The following MAP3K15 variants were observed in gnomAD, a reference collection of about 807,000 sequenced individuals.
MAP3K15 encodes the protein MAPK/ERK kinase kinase 15.
Under a neutral mutation model 99.5 loss-of-function variants are expected in MAP3K15, and 124 were observed. That is an observed-to-expected ratio of 1.25 (90% CI 1.08 to 1.45). MAP3K15 has a LOEUF of 1.45. Ranked by LOEUF, MAP3K15 falls within the 40% of genes most tolerant of loss-of-function variation. The probability of loss-of-function intolerance (pLI) is 0.00; values close to 1 mark genes in which losing one functional copy is unlikely to be tolerated. For synonymous variants in MAP3K15, 494 were observed against 439.6 expected (o/e 1.12, Z -1.55); for missense variants, 1,242 against 1,079.7 (o/e 1.15, Z -2.11).
chrX:19,468,120 C>A lies in MAP3K15; in HGVS notation c.526-3714G>T, dbSNP rs147440898. Among the ~76,000 whole-genome samples the A allele has an allele frequency of 3.8e-3, 426 of 111,919 alleles. 3 individuals carry two copies. Among genetic ancestry groups the A allele is most frequent in the African/African-American group, 0.013 (409 of 30,850 alleles). Reference sequence around the variant, plus strand: ...TCTTCACAAGGAGAGTGACTTCATGCAGAATGTGCCATGGGGAAGTTTAAG... The same window carrying A: ...TCTTCACAAGGAGAGTGACTTCATGAAGAATGTGCCATGGGGAAGTTTAAG... On this transcript the variant is annotated intron_variant, in intron 3 of 28. Coordinates refer to ENST00000338883, the MANE Select transcript of MAP3K15 (RefSeq NM_001001671.4).
chrX:19,368,496 T>A (rs2147209061), intron 25 of MAP3K15, among the ~76,000 whole-genome samples: 1 of 113,095 alleles, frequency 8.8e-6, no homozygotes, highest in African/African-American at 3.2e-5. Context: ...AACAGACCAG[T>A]GCATTGGAGG....
Position 19,413,477 on chromosome X carries a change from C to G in MAP3K15, c.1591-13G>C, listed in dbSNP as rs763479336. The G allele has an allele frequency of 1.7e-6, 2 of 1,147,460 alleles. No homozygotes were observed. Among genetic ancestry groups the G allele is most frequent in the Admixed American group, 2.3e-5 (1 of 44,429 alleles). 94.6% of individuals were successfully genotyped at this position (1,147,460 alleles called of 1,213,427 possible). A position where few individuals can be genotyped will look rare whatever the true frequency, so the allele number is the denominator to read the frequency against. ...CTATGACCAGAACCTGAAACAAGAA[C>G]AGATGCCTGTTAACGTACATGGGTA... On this transcript the variant is annotated splice_polypyrimidine_tract_variant and intron_variant, in intron 10 of 28. Transcript: ENST00000338883.
At chrX:19,421,936 T>C (rs1188323042) in intron 9 of MAP3K15, among the ~76,000 whole-genome samples, 1 of 109,176 alleles carries the variant, frequency 9.2e-6, no homozygotes, top group African/African-American at 3.4e-5. Flanking sequence ...GGGAAAGGAG[T>C]CCCTATTTAA....
intron 25 of MAP3K15, among the ~76,000 whole-genome samples, chrX:19,368,208 T>C (rs893450989): frequency 5.4e-5 from 6 of 111,829 alleles, no homozygotes; most frequent in Non-Finnish European, 7.5e-5. Context: ...AATGGCACGA[T>C]CTCAGCTCAC....
intron 5 of MAP3K15, among the ~76,000 whole-genome samples, chrX:19,458,416 C>T (rs932906410): frequency 8.9e-6 from 1 of 112,374 alleles, no homozygotes; most frequent in Non-Finnish European, 1.9e-5. Flanking sequence ...CGGTGGCTCA[C>T]GCCTGTAATC....
In MAP3K15 at chrX:19,361,580, G is replaced by A. The variant is rs2063288529; in HGVS notation, c.3693C>T (p.Asn1231=). 2 of 1,203,411 alleles carry A rather than the reference G, an allele frequency of 1.7e-6. No homozygotes were observed. Among genetic ancestry groups the A allele is most frequent in the South Asian group, 3.5e-5 (2 of 56,382 alleles). Residue 1231 remains asparagine (N), a synonymous_variant, in exon 27 of 29, where the codon AAC becomes AAT. Coordinates refer to ENST00000338883, the MANE Select transcript of MAP3K15 (RefSeq NM_001001671.4). Reference sequence around the variant, plus strand: ...TTCTCTGCCCGTAGGGGCCTGCTGGGTTCTCTGTAATACCTGTAACGATTG... The same window carrying A: ...TTCTCTGCCCGTAGGGGCCTGCTGGATTCTCTGTAATACCTGTAACGATTG... ...LKLKSNCITE[N]PAGPYGQRTD...
chrX:19,434,233 GT>G (rs201469897), intron 6 of MAP3K15, among the ~76,000 whole-genome samples: 2 of 102,465 alleles, frequency 2.0e-5, no homozygotes. Flanking sequence ...GGTTTTTTTT[GT>G]TTTTTTTTTG....
chrX:19,499,194 A>C (rs903866814), intron 1 of MAP3K15, among the ~76,000 whole-genome samples: 3 of 112,130 alleles, frequency 2.7e-5, no homozygotes, highest in Non-Finnish European at 5.6e-5. Flanking sequence ...ATCATTAATC[A>C]TGAGGGAAAG....
In MAP3K15 at chrX:19,475,877, G is replaced by A. The variant is rs780113399; in HGVS notation, c.525+10605C>T. ...AGGTTTAATAGATAAAGTAGCCTTG[G>A]GGTTGGCTATATTTTCCTTCTTTTC... On this transcript the variant is annotated intron_variant, in intron 3 of 28. Coordinates refer to ENST00000338883, the MANE Select transcript of MAP3K15 (RefSeq NM_001001671.4). Among the ~76,000 whole-genome samples the A allele has an allele frequency of 1.3e-3, 145 of 111,955 alleles. 1 individual carries two copies. The highest frequency in any genetic ancestry group is 9.2e-3 in the Middle Eastern group (2 of 218).
chrX:19,464,132 T>C (rs2064149332), intron 4 of MAP3K15, 81 bp downstream of exon 4: 3 of 855,453 alleles, frequency 3.5e-6, no homozygotes, highest in South Asian at 2.6e-5. Flanking sequence ...CTCTGTTCAT[T>C]TGAAGGTGTA....
In MAP3K15 at chrX:19,360,849, A is replaced by T. The variant is rs1455654040; in HGVS notation, c.3858-16T>A. The T allele has an allele frequency of 4.3e-6, 5 of 1,153,240 alleles. No individual in the cohort carries two copies. The highest frequency in any genetic ancestry group is 5.9e-6 in the Non-Finnish European group (5 of 850,858). The stretch of plus-strand genomic sequence containing the variant: ...GAGACCACCCCTGGGAAACAAACAC[A>T]GCTGTCTTCAGAGTCAGTGCTTCAA... On this transcript the variant is annotated splice_polypyrimidine_tract_variant and intron_variant, in intron 28 of 28. Transcript: ENST00000338883.
At chrX:19,455,261 G>A (rs561060657) in intron 6 of MAP3K15, among the ~76,000 whole-genome samples, 6 of 110,600 alleles carry the variant, frequency 5.4e-5, no homozygotes, top group Middle Eastern at 9.3e-3. Context: ...GCTTCCAAAC[G>A]GGAAACGTAT....
chrX:19,385,836 A>C (rs1437572476), intron 18 of MAP3K15, among the ~76,000 whole-genome samples: 2 of 111,778 alleles, frequency 1.8e-5, no homozygotes, highest in African/African-American at 6.5e-5. Context: ...CCTGAATAAG[A>C]GTAGCACGTG....
At chrX:19,465,079 G>T (rs919508464) in intron 3 of MAP3K15, among the ~76,000 whole-genome samples, 5 of 110,363 alleles carry the variant, frequency 4.5e-5, no homozygotes, top group African/African-American at 1.6e-4. Flanking sequence ...ATTTTGTAGA[G>T]ATTGGGGTTT....
At chrX:19,443,021 G>GTTTT in intron 6 of MAP3K15, among the ~76,000 whole-genome samples, 1 of 11,736 alleles carries the variant, frequency 8.5e-5, no homozygotes, top group Non-Finnish European at 1.8e-4. Flanking sequence ...ACCATGCCCG[G>GTTTT]CTTTTTTTTT....
chrX:19,361,204 T>TTGGC (rs1212420126), intron 28 of MAP3K15, 135 bp downstream of exon 28: 1 of 508,116 alleles, frequency 2.0e-6, no homozygotes, highest in Admixed American at 4.3e-5. Context: ...CTGCCCCACC[T>TTGGC]TGGCTTTTTC....
At chrX:19,492,224 C>T (rs1160178313) in intron 1 of MAP3K15, among the ~76,000 whole-genome samples, 1 of 110,501 alleles carries the variant, frequency 9.0e-6, no homozygotes, top group East Asian at 2.8e-4. Flanking sequence ...CAACGATCAA[C>T]TCAAGGCCGG....
intron 3 of MAP3K15, among the ~76,000 whole-genome samples, chrX:19,477,401 A>C (rs1456362596): frequency 2.7e-5 from 3 of 111,773 alleles, no homozygotes; most frequent in African/African-American, 6.5e-5. Flanking sequence ...AACATACAAA[A>C]ATAAAATAAA....
In MAP3K15 at chrX:19,372,685, C is replaced by G; in HGVS notation, c.3076G>C (p.Val1026Leu). ...ACACACTCCTGCAGGTTGGAAGCCA[C>G]CTGGTTCTGCTCCTCCCAGAGGATT... ...YKILWEEQNQ[V>L]ASNLQECVAQ... The change falls in exon 22 of 29, where the codon GTG becomes CTG. Residue 1026 changes from valine (V) to leucine (L), a missense_variant. Val to Leu is a conservative substitution (Grantham distance 32). Transcript: ENST00000338883. 8.3e-7 allele frequency: 1 copy of G among 1,211,010 alleles called. No individual in the cohort carries two copies. The highest frequency in any genetic ancestry group is 1.1e-6 in the Non-Finnish European group (1 of 895,089).
Sources: allele counts gnomAD v4.1 joint callset (sites outside exome capture counted in the v4.1 genomes callset), GRCh38; gene constraint gnomAD v4.1.1; transcripts MANE v1.5; gene names NCBI Gene and HGNC (gene_info 2026-07-23, HGNC 2026-07-21).